Variants in KIF5C observed in about 807,000 individuals in gnomAD.
KIF5C encodes kinesin heavy chain isoform 5C.
In KIF5C, 18 loss-of-function variants were observed where a neutral mutation model predicts 125.2. The observed-to-expected ratio is 0.14, with a 90% confidence interval of 0.10 to 0.21. KIF5C has a LOEUF of 0.21. Ranked by LOEUF, KIF5C falls within the 10% of genes least tolerant of loss-of-function variation. KIF5C has a pLI of 1.00. For missense variants in KIF5C, 780 were observed against 1,183.8 expected (o/e 0.66, Z 5.01); for synonymous variants, 405 against 434.0 (o/e 0.93, Z 0.83).
At chr2:148,888,011 A>T (rs1574691949) in intron 1 of KIF5C, among the ~76,000 whole-genome samples, 1 of 152,288 alleles carries the variant, frequency 6.6e-6, no homozygotes, top group East Asian at 1.9e-4. Flanking sequence ...TGAGCACCGC[A>T]GCAATTAAGT....
Position 148,981,449 on chromosome 2 carries a change from A to T in KIF5C, c.1457A>T (p.Glu486Val). 6.2e-7 allele frequency: 1 copy of T among 1,609,802 alleles called. No individual in the cohort carries two copies. The highest frequency in any genetic ancestry group is 1.1e-5 in the South Asian group (1 of 89,772). The change falls in exon 14 of 26, where the codon GAA becomes GTA. Residue 486 changes from glutamate to valine, a missense_variant. By Grantham distance (121) the Glu-to-Val change is moderately radical (BLOSUM62 -2). This residue lies in a region of KIF5C where 573 missense variants were observed against 742.6 expected (regional missense o/e 0.77). Transcript: ENST00000435030. ...GAGGCAGCCAAGGATGAGGTGAAAG[A>T]AGTTCTCCAGGCCCTGGAGGAGCTG... ...ENEAAKDEVK[E>V]VLQALEELAV... is the part of the protein sequence containing the mutation.
chr2:148,932,576 A>C (rs1682204593), intron 3 of KIF5C, among the ~76,000 whole-genome samples: 1 of 152,170 alleles, frequency 6.6e-6, no homozygotes, highest in South Asian at 2.1e-4. Flanking sequence ...CTGAGGAAAA[A>C]GAGACTGTTC....
chr2:148,942,245 T>G (rs1682425989), intron 6 of KIF5C, among the ~76,000 whole-genome samples: 3 of 152,230 alleles, frequency 2.0e-5, no homozygotes, highest in Admixed American at 1.3e-4. Flanking sequence ...GTTTTTACTT[T>G]GCAGTAACGC....
chr2:148,906,073 A>G (rs1681094283), intron 1 of KIF5C, among the ~76,000 whole-genome samples: 1 of 152,284 alleles, frequency 6.6e-6, no homozygotes, highest in South Asian at 2.1e-4. Flanking sequence ...GGACACAGCC[A>G]AACCATATCA....
intron 21 of KIF5C, 137 bp downstream of exon 21, chr2:149,000,919 G>T: frequency 6.9e-7 from 1 of 1,459,688 alleles, no homozygotes; most frequent in Non-Finnish European, 9.1e-7. Flanking sequence ...GGAAAAGTAG[G>T]ATTTGTAGAA....
At chr2:148,962,202 G>T in intron 11 of KIF5C, 83 bp downstream of exon 11, 1 of 1,478,740 alleles carries the variant, frequency 6.8e-7, no homozygotes, top group Non-Finnish European at 9.0e-7. Flanking sequence ...GTCTCTCTCT[G>T]TCACTCAGGC....
At chr2:148,950,292 T>C (rs779116783) in intron 9 of KIF5C, 22 bp from the exon 10 acceptor site, 1 of 1,610,740 alleles carries the variant, frequency 6.2e-7, no homozygotes, top group South Asian at 1.1e-5. Context: ...TCAAAACCAA[T>C]ACTTTTTCTT....
rs1243020281 is a variant in KIF5C at position 149,010,332 on chromosome 2, G to A, written c.2748G>A (p.Arg916=). 7 of 1,586,608 alleles carry A rather than the reference G, an allele frequency of 4.4e-6. No individual in the cohort carries two copies. The South Asian group carries it at 6.9e-5, about 16-fold the overall frequency. ...EAVRAKNMAR[R]AHSAQIAKPI... ...TGCGGGCCAAGAACATGGCCAGAAG[G>A]GCCCATTCAGCCCAGATCGGTACGT... The change falls in exon 24 of 26, where the codon AGG becomes AGA. Residue 916 remains arginine, a synonymous_variant. Transcript: ENST00000435030.
chr2:148,919,796 A>G (rs1052020035), intron 1 of KIF5C, among the ~76,000 whole-genome samples: 1 of 152,236 alleles, frequency 6.6e-6, no homozygotes, highest in Non-Finnish European at 1.5e-5. Flanking sequence ...AGTGCAAGAC[A>G]GGACACATAA....
rs2105172235 is a variant in KIF5C, at chr2:148,990,876, C to T, written c.1717-134C>T. On this transcript the variant is annotated intron_variant, in intron 15 of 25. Coordinates refer to ENST00000435030, the MANE Select transcript of KIF5C (RefSeq NM_004522.3). ...CTTGGGGTTGAATGTTTAGTACTTT[C>T]CGCTTGTCCTTTAATTAGGATTCTG... 3 of 1,418,522 alleles carry T rather than the reference C, an allele frequency of 2.1e-6. No individual in the cohort carries two copies. In the South Asian group the frequency reaches 4.8e-5, roughly 22 times the overall value. The allele number at this position is 1,418,522 out of a possible 1,614,324, so 87.9% of individuals were successfully genotyped here.
chr2:148,895,475 T>G (rs1343552494), intron 1 of KIF5C, among the ~76,000 whole-genome samples: 1 of 150,954 alleles, frequency 6.6e-6, no homozygotes. Context: ...TGGCAAACAT[T>G]TTTTTGGCCC....
chr2:149,011,643 C>T lies in KIF5C; in HGVS notation c.2841C>T (p.Gly947=). 6.2e-7 allele frequency: 1 copy of T among 1,614,068 alleles called. No individual in the cohort carries two copies. Among genetic ancestry groups the T allele is most frequent in the Non-Finnish European group, 8.5e-7 (1 of 1,179,904 alleles). ...TCCATGCCATTCGAGGGGGAGGAGG[C>T]AGCTCTTCAAATTCCACTCACTACC... ...TAVHAIRGGG[G]SSSNSTHYQK The change falls in exon 25 of 26, where the codon GGC becomes GGT. Residue 947 remains glycine, a synonymous_variant. Transcript: ENST00000435030.
At chr2:148,987,122 A>C (rs1681399415) in intron 15 of KIF5C, among the ~76,000 whole-genome samples, 3 of 152,188 alleles carry the variant, frequency 2.0e-5, no homozygotes, top group Non-Finnish European at 2.9e-5. Context: ...CACTTTGAGG[A>C]TGGGAAGAAT....
chr2:149,002,428 A>C (rs1681878031), intron 21 of KIF5C, among the ~76,000 whole-genome samples: 1 of 152,108 alleles, frequency 6.6e-6, no homozygotes, highest in South Asian at 2.1e-4. Context: ...TCCTGTTCTC[A>C]TGCCTCTGCG....
chr2:148,949,792 G>C (rs766912360), intron 8 of KIF5C, 47 bp from the exon 9 acceptor site: 10 of 1,583,826 alleles, frequency 6.3e-6, no homozygotes, highest in Non-Finnish European at 8.6e-6. Context: ...TCTACTTTGT[G>C]CTTCTGCCGT....
chr2:148,940,296 A>G (rs1682377455), intron 4 of KIF5C, among the ~76,000 whole-genome samples: 4 of 152,182 alleles, frequency 2.6e-5, no homozygotes, highest in Non-Finnish European at 5.9e-5. Flanking sequence ...TTCAAATGTC[A>G]CATAAGTGTG....
intron 15 of KIF5C, among the ~76,000 whole-genome samples, chr2:148,990,795 A>C (rs1387638295): frequency 6.6e-6 from 1 of 152,140 alleles, no homozygotes; most frequent in Non-Finnish European, 1.5e-5. Context: ...TAGTTAATTG[A>C]GGATTATATT....
At chr2:148,984,098 C>G (rs6748038) in intron 15 of KIF5C, among the ~76,000 whole-genome samples, 1,852 of 152,302 alleles carry the variant, frequency 0.012, 38 homozygotes, top group African/African-American at 0.042. Flanking sequence ...GCTTAAGCAA[C>G]AGTTCTAGTC....
intron 11 of KIF5C, among the ~76,000 whole-genome samples, chr2:148,964,739 G>A (rs1421876079): frequency 6.6e-6 from 1 of 152,146 alleles, no homozygotes; most frequent in African/African-American, 2.4e-5. Flanking sequence ...CGAGAATGGA[G>A]GACATAGGCC....
Sources: gnomAD v4.1 joint callset for allele counts (sites outside exome capture counted in the v4.1 genomes callset) on GRCh38, gnomAD v4.1.1 for gene constraint, gnomAD v4.1.1 regional missense constraint, MANE v1.5 for transcripts, NCBI Gene and HGNC (gene_info 2026-07-23, HGNC 2026-07-21) for gene names.